The following SULF1 variants were observed in gnomAD, a reference collection of about 807,000 sequenced individuals.
The protein encoded by SULF1 is sulfatase 1, also known as extracellular sulfatase Sulf-1.
Under a neutral mutation model 110.5 loss-of-function variants are expected in SULF1, and 46 were observed. The observed-to-expected ratio is 0.42, with a 90% CI of 0.33 to 0.53. The LOEUF is 0.53. Among genes scored for constraint, SULF1 ranks in the 20% least tolerant of loss-of-function variants. SULF1 has a pLI of 0.12. For missense variants in SULF1, 941 were observed against 1,094.2 expected (o/e 0.86, Z 1.98); for synonymous variants, 371 against 387.1 (o/e 0.96, Z 0.49).
chr8:69,557,439 G>A (rs1057161732), intron 3 of SULF1, among the ~76,000 whole-genome samples: 1 of 152,038 alleles, frequency 6.6e-6, no homozygotes, highest in African/African-American at 2.4e-5. Flanking sequence ...AATGCCCTTC[G>A]GAAGCTTGTT....
At chr8:69,564,715 C>T (rs1815743666) in intron 5 of SULF1, among the ~76,000 whole-genome samples, 1 of 152,192 alleles carries the variant, frequency 6.6e-6, no homozygotes, top group South Asian at 2.1e-4. Context: ...GTAGAGCACC[C>T]AGAAAGCCTG....
rs771952433 is a variant in SULF1 at position 69,621,052 on chromosome 8, G to A, written c.1395G>A (p.Glu465=). The change falls in exon 14 of 23, where the codon GAG becomes GAA. Residue 465 remains glutamate (E), a synonymous_variant. Coordinates refer to ENST00000402687, the MANE Select transcript of SULF1 (RefSeq NM_001128205.2). ...TTTTGCAGAAGTGGCAATGCATTGA[G>A]GATACATCTGGCAAGCTTCGAATTC... is the stretch of plus-strand genomic sequence containing the variant. ...EQPGQKWQCI[E]DTSGKLRIHK... is the part of the protein sequence containing the mutation. The A allele has an allele frequency of 6.2e-7, 1 of 1,611,122 alleles. No individual in the cohort carries two copies. The highest frequency in any genetic ancestry group is 8.5e-7 in the Non-Finnish European group (1 of 1,177,612).
chr8:69,642,078 C>A, intron 22 of SULF1: 1 of 366,674 alleles, frequency 2.7e-6, no homozygotes, highest in Non-Finnish European at 3.8e-6. Flanking sequence ...AATGTATCCA[C>A]TTGGGAGAAA....
At chr8:69,631,650 C>T (rs982392177) in intron 19 of SULF1, among the ~76,000 whole-genome samples, 4 of 152,280 alleles carry the variant, frequency 2.6e-5, no homozygotes, top group Non-Finnish European at 4.4e-5. Flanking sequence ...GCCTCCTGTT[C>T]TTGCCTGCTT....
intron 6 of SULF1, among the ~76,000 whole-genome samples, chr8:69,578,562 G>A (rs1805803932): frequency 7.4e-6 from 1 of 135,900 alleles, no homozygotes; most frequent in East Asian, 2.2e-4. Context: ...CGGGACCTTA[G>A]TCTTCAGGGC....
At chr8:69,506,191 A>G (rs984910824) in intron 3 of SULF1, among the ~76,000 whole-genome samples, 4 of 151,978 alleles carry the variant, frequency 2.6e-5, no homozygotes, top group African/African-American at 9.7e-5. Flanking sequence ...TGGGACATAT[A>G]AGTTGCTCAT....
Position 69,655,230 on chromosome 8 carries a change from T to A in SULF1, c.2586-3275T>A, listed in dbSNP as rs372781131. Among the ~76,000 whole-genome samples the A allele has an allele frequency of 2.2e-4, 33 of 152,264 alleles. No individual in the cohort carries two copies. In the South Asian group the frequency reaches 6.4e-3, roughly 30 times the overall value. ...CCCATAGCCATCTGCAGTCTCTGAC[T>A]CTCTTTTTGGCATTATATGTCTGAC... On this transcript the variant is annotated intron_variant, in intron 22 of 22. Coordinates refer to ENST00000402687, the MANE Select transcript of SULF1 (RefSeq NM_001128205.2).
chr8:69,543,548 T>C (rs1448129503), intron 3 of SULF1, among the ~76,000 whole-genome samples: 1 of 152,214 alleles, frequency 6.6e-6, no homozygotes, highest in African/African-American at 2.4e-5. Flanking sequence ...GCAAAGGACA[T>C]GATCTTGTTC....
intron 1 of SULF1, among the ~76,000 whole-genome samples, chr8:69,479,547 T>C (rs1809432461): frequency 6.6e-6 from 1 of 152,186 alleles, no homozygotes. Flanking sequence ...TCAAAACTAC[T>C]GAATCTTATT....
At position 69,618,467 on chromosome 8, in the gene SULF1, G is replaced by A. The variant is rs748982584; in HGVS notation, c.1378-2568G>A. 1.8e-4 allele frequency among the ~76,000 whole-genome samples: 28 copies of A among 152,288 alleles called. No individual in the cohort carries two copies. In the South Asian group the frequency reaches 2.5e-3, roughly 14 times the overall value. ...GTAGAGATAAAGTATACAAGAGTAT[G>A]TATGTAGGCTAAATGGAAATACTAC... On this transcript the variant is annotated intron_variant, in intron 13 of 22. Transcript: ENST00000402687.
chr8:69,586,974 T>C (rs1806510919), intron 7 of SULF1, among the ~76,000 whole-genome samples: 1 of 152,254 alleles, frequency 6.6e-6, no homozygotes, highest in South Asian at 2.1e-4. Context: ...CTTTTACTCC[T>C]GTCTGACCAA....
chr8:69,615,994 T>G (rs141031407), intron 13 of SULF1, among the ~76,000 whole-genome samples: 112 of 151,960 alleles, frequency 7.4e-4, no homozygotes, highest in African/African-American at 2.5e-3. Context: ...TGTACTAAAG[T>G]TGATATAAAT....
At chr8:69,581,938 G>C (rs1806099898) in intron 6 of SULF1, among the ~76,000 whole-genome samples, 1 of 152,108 alleles carries the variant, frequency 6.6e-6, no homozygotes, top group South Asian at 2.1e-4. Flanking sequence ...GGAATACTGA[G>C]TACATTTCTT....
At chr8:69,575,086 T>C (rs1238187964) in intron 5 of SULF1, among the ~76,000 whole-genome samples, 1 of 152,204 alleles carries the variant, frequency 6.6e-6, no homozygotes, top group Non-Finnish European at 1.5e-5. Flanking sequence ...TAGTGCTCTG[T>C]AGTACACTTC....
chr8:69,659,140 C>G lies in SULF1; in HGVS notation c.*605C>G. ...TGGAAAGGACATTTTTGAAGATCAA[C>G]TATATCTTCCTGTGCATTCCGATGG... On this transcript the variant is annotated 3_prime_UTR_variant, in exon 23 of 23. Coordinates refer to ENST00000402687, the MANE Select transcript of SULF1 (RefSeq NM_001128205.2). 1 of 456,742 alleles carries G rather than the reference C, an allele frequency of 2.2e-6. No homozygotes were observed. The highest frequency in any genetic ancestry group is 4.4e-6 in the Non-Finnish European group (1 of 226,968). The allele number at this position is 456,742 out of a possible 1,614,324, so 28.3% of individuals were successfully genotyped here. A position where few individuals can be genotyped will look rare whatever the true frequency, so the allele number is the denominator to read the frequency against.
chr8:69,632,321 A>G (rs570628261), intron 19 of SULF1, among the ~76,000 whole-genome samples: 2 of 152,222 alleles, frequency 1.3e-5, no homozygotes, highest in South Asian at 4.1e-4. Context: ...GCCACAGTAA[A>G]AAAATGCACC....
intron 8 of SULF1, among the ~76,000 whole-genome samples, chr8:69,594,257 T>G (rs60353887): frequency 0.31 from 47,098 of 152,036 alleles, 8,593 homozygotes; most frequent in African/African-American, 0.5. Flanking sequence ...CTCCATGTTG[T>G]TCAGGCTGGT....
intron 13 of SULF1, among the ~76,000 whole-genome samples, chr8:69,606,199 T>G (rs1202827120): frequency 6.6e-6 from 1 of 152,238 alleles, no homozygotes; most frequent in East Asian, 1.9e-4. Flanking sequence ...CATGCTTTCT[T>G]GTACACAGGA....
At chr8:69,654,272 G>A (rs879893222) in intron 22 of SULF1, among the ~76,000 whole-genome samples, 11 of 152,124 alleles carry the variant, frequency 7.2e-5, no homozygotes, top group Non-Finnish European at 1.5e-4. Context: ...TCCACCTTCG[G>A]AAGAGACATT....
Sources: allele counts gnomAD v4.1 joint callset (sites outside exome capture counted in the v4.1 genomes callset), GRCh38; gene constraint gnomAD v4.1.1; transcripts MANE v1.5; gene names NCBI Gene and HGNC (gene_info 2026-07-23, HGNC 2026-07-21).